The following UQCRH variants were observed in gnomAD, a reference collection of about 807,000 sequenced individuals.
UQCRH encodes ubiquinol-cytochrome c reductase hinge protein, also known as cytochrome b-c1 complex subunit 6, mitochondrial.
A neutral mutation model predicts 16.3 loss-of-function variants in UQCRH; 14 were observed. The observed-to-expected ratio is 0.86, with a 90% CI of 0.57 to 1.34. UQCRH has a LOEUF of 1.34. Among genes scored for constraint, UQCRH ranks in the 40% most tolerant of loss-of-function variants. The pLI is 0.00. For synonymous variants in UQCRH, 41 were observed against 41.9 expected (o/e 0.98, Z 0.08); for missense variants, 89 against 111.9 (o/e 0.80, Z 0.92).
intron 1 of UQCRH, among the ~76,000 whole-genome samples, chr1:46,304,703 A>G (rs1661331898): frequency 6.6e-6 from 1 of 152,018 alleles, no homozygotes; most frequent in East Asian, 1.9e-4. Context: ...TTTCATCTAC[A>G]CACTATTCCT....
intron 3 of UQCRH, 63 bp from the exon 4 acceptor site, chr1:46,316,489 G>T: frequency 6.2e-7 from 1 of 1,609,516 alleles, no homozygotes; most frequent in Non-Finnish European, 8.5e-7. Context: ...GGTCTTGAAG[G>T]ACCTTGTAAG....
chr1:46,304,942 C>T (rs1249836234), intron 1 of UQCRH, among the ~76,000 whole-genome samples: 1 of 152,144 alleles, frequency 6.6e-6, no homozygotes, highest in East Asian at 1.9e-4. Context: ...TGGGGGCAGC[C>T]ATTCTGGGCT....
intron 3 of UQCRH, 88 bp from the exon 4 acceptor site, chr1:46,316,464 G>GGTC: frequency 1.3e-6 from 2 of 1,568,194 alleles, no homozygotes; most frequent in Admixed American, 1.7e-5. Context: ...TGAGAAGAGG[G>GGTC]GCAGTACTGT....
intron 2 of UQCRH, chr1:46,309,767 G>A (rs941815553): frequency 2.3e-6 from 2 of 870,870 alleles, no homozygotes; most frequent in African/African-American, 3.5e-5. Flanking sequence ...GGGTGCATAG[G>A]CCTGGTTCTC....
At chr1:46,308,009 T>A (rs1229221652) in intron 1 of UQCRH, among the ~76,000 whole-genome samples, 1 of 152,222 alleles carries the variant, frequency 6.6e-6, no homozygotes, top group Non-Finnish European at 1.5e-5. Flanking sequence ...AAATGTCTAA[T>A]TACTGTTTAT....
At chr1:46,306,442 G>C (rs183386612) in intron 1 of UQCRH, among the ~76,000 whole-genome samples, 40 of 148,432 alleles carry the variant, frequency 2.7e-4, no homozygotes, top group African/African-American at 9.3e-4. Context: ...ACAGTGGCGC[G>C]ATCTCACTGC....
intron 3 of UQCRH, among the ~76,000 whole-genome samples, chr1:46,312,341 G>A (rs1661497416): frequency 6.6e-6 from 1 of 151,972 alleles, no homozygotes. Flanking sequence ...CTGACCTCCA[G>A]TGATCCACCT....
At chr1:46,310,382 T>C (rs1396138955) in intron 3 of UQCRH, 66 bp downstream of exon 3, 2 of 1,605,428 alleles carry the variant, frequency 1.2e-6, no homozygotes, top group African/African-American at 2.7e-5. Flanking sequence ...GTGCCAACAA[T>C]CTTTCCATGC....
intron 3 of UQCRH, among the ~76,000 whole-genome samples, chr1:46,310,585 CAAGT>C (rs1661451087): frequency 6.6e-6 from 1 of 152,190 alleles, no homozygotes; most frequent in African/African-American, 2.4e-5. Flanking sequence ...CTTGGCCTCC[CAAGT>C]AGCTGGGACT....
At chr1:46,303,872 C>G in intron 1 of UQCRH, 52 bp downstream of exon 1, 2 of 1,612,722 alleles carry the variant, frequency 1.2e-6, no homozygotes, top group Non-Finnish European at 1.7e-6. Flanking sequence ...AGCCCAGGAC[C>G]TAGCCCGCCA....
intron 2 of UQCRH, chr1:46,309,930 C>G: frequency 7.0e-7 from 1 of 1,434,592 alleles, no homozygotes; most frequent in South Asian, 1.5e-5. Context: ...TACTGGCAAC[C>G]TTGGAAGGCA....
In UQCRH at chr1:46,310,218, C is replaced by T. The variant is rs777050301; in HGVS notation, c.145C>T (p.Arg49Trp). The change falls in exon 3 of 4, where the codon CGG (arginine) becomes TGG (tryptophan). Residue 49 changes from arginine to tryptophan, a missense_variant. By Grantham distance (101) the Arg-to-Trp change is moderately radical (BLOSUM62 -3). Coordinates refer to ENST00000311672, the MANE Select transcript of UQCRH (RefSeq NM_006004.4). Reference protein sequence around the residue: ...QLEKCVKARERLELCDERVSS... With the variant: ...QLEKCVKAREWLELCDERVSS... ...GGAGAAATGTGTAAAGGCCCGGGAGCGGCTAGAGCTCTGTGATGAGCGTGT... is the reference window on the plus strand; with the variant it reads ...GGAGAAATGTGTAAAGGCCCGGGAGTGGCTAGAGCTCTGTGATGAGCGTGT... The T allele has an allele frequency of 1.9e-5, 30 of 1,614,010 alleles. No homozygotes were observed. Among genetic ancestry groups the T allele is most frequent in the Admixed American group, 1.5e-4 (9 of 59,994 alleles).
At position 46,310,150 on chromosome 1, in the gene UQCRH, A is replaced by G. The variant is rs763711552; in HGVS notation, c.82-5A>G. 1.9e-6 allele frequency: 3 copies of G among 1,614,210 alleles called. No individual in the cohort carries two copies. The highest frequency in any genetic ancestry group is 2.2e-5 in the South Asian group (2 of 91,084). On this transcript the variant is annotated splice_polypyrimidine_tract_variant and splice_region_variant and intron_variant, in intron 2 of 3. Transcript: ENST00000311672. ...CATTTTGTTTTTTTTCTGTTTCTAC[A>G]TCAGGATCCCCTAACAACAGTGAGA...
At chr1:46,315,783 A>G (rs1457974595) in intron 3 of UQCRH, among the ~76,000 whole-genome samples, 2 of 152,180 alleles carry the variant, frequency 1.3e-5, no homozygotes, top group Admixed American at 6.5e-5. Context: ...ATCGTATGAT[A>G]TGATTTGTAT....
At chr1:46,313,560 C>T (rs1453777821) in intron 3 of UQCRH, among the ~76,000 whole-genome samples, 1 of 152,000 alleles carries the variant, frequency 6.6e-6, no homozygotes, top group Non-Finnish European at 1.5e-5. Flanking sequence ...ACCCGGGAGG[C>T]GGAGCTTGCA....
intron 2 of UQCRH, 124 bp from the exon 3 acceptor site, chr1:46,310,031 T>C: frequency 6.5e-7 from 1 of 1,531,998 alleles, no homozygotes. Flanking sequence ...CTCTGCCAGC[T>C]GGCCTTCTGC....
chr1:46,309,249 C>A, intron 2 of UQCRH, 122 bp downstream of exon 2: 1 of 1,117,528 alleles, frequency 8.9e-7, no homozygotes, highest in Non-Finnish European at 1.3e-6. Flanking sequence ...GTGGAATAAG[C>A]TTTGATACTT....
At position 46,304,284 on chromosome 1, in the gene UQCRH, A is replaced by G. The variant is rs1463651310; in HGVS notation, c.54+464A>G. On this transcript the variant is annotated intron_variant, in intron 1 of 3. Coordinates refer to ENST00000311672, the MANE Select transcript of UQCRH (RefSeq NM_006004.4). Reference sequence around the variant, plus strand: ...GTCTTTGGGGACAATGAAAGAATGTACGATGTGATTCTGTGATGGAAGAGG... The same window carrying G: ...GTCTTTGGGGACAATGAAAGAATGTGCGATGTGATTCTGTGATGGAAGAGG... Among the ~76,000 whole-genome samples the G allele has an allele frequency of 2.6e-5, 4 of 152,160 alleles. No individual in the cohort carries two copies. In the East Asian group the frequency reaches 7.7e-4, roughly 29 times the overall value.
At chr1:46,305,808 A>G (rs1426962900) in intron 1 of UQCRH, among the ~76,000 whole-genome samples, 1 of 149,796 alleles carries the variant, frequency 6.7e-6, no homozygotes, top group Non-Finnish European at 1.5e-5. Flanking sequence ...TGAGGAACCC[A>G]TAATTTTTTT....
Sources: gnomAD v4.1 joint callset for allele counts (sites outside exome capture counted in the v4.1 genomes callset) on GRCh38, gnomAD v4.1.1 for gene constraint, MANE v1.5 for transcripts, NCBI Gene and HGNC (gene_info 2026-07-23, HGNC 2026-07-21) for gene names.